The following CDT1 variants were observed in gnomAD, a reference collection of about 807,000 sequenced individuals.
CDT1 encodes the protein DNA replication factor Cdt1.
CDT1 carries 66 observed loss-of-function variants against 49.3 expected under a neutral mutation model. That is an observed-to-expected ratio of 1.34 (90% confidence interval 1.10 to 1.64). The LOEUF is 1.64. CDT1 is among the 40% of genes most tolerant of loss of function. The probability of loss-of-function intolerance (pLI) is 0.00; values close to 1 mark genes in which losing one functional copy is unlikely to be tolerated. For missense variants in CDT1, 958 were observed against 807.7 expected (o/e 1.19, Z -2.26); for synonymous variants, 424 against 347.4 (o/e 1.22, Z -2.45).
intron 3 of CDT1, 146 bp downstream of exon 3, chr16:88,805,044 G>C: frequency 1.7e-6 from 2 of 1,144,862 alleles, no homozygotes; most frequent in Middle Eastern, 2.9e-4. Flanking sequence ...AGACCCCTGA[G>C]AAAAAGGTCC....
Position 88,807,979 on chromosome 16 carries a change from T to A in CDT1, c.1478-136T>A, listed in dbSNP as rs59945100. The A allele has an allele frequency of 4.9e-3, 4,552 of 936,634 alleles. 121 individuals are homozygous for A. The African/African-American group carries it at 0.067, about 14-fold the overall frequency. The allele number at this position is 936,634 out of a possible 1,614,324, so 58.0% of individuals were successfully genotyped here. A position where few individuals can be genotyped will look rare whatever the true frequency, so the allele number is the denominator to read the frequency against. On this transcript the variant is annotated intron_variant, in intron 9 of 9. Transcript: ENST00000301019. ...CTGGGCCTCTGATCAGAACCACCTC[T>A]GCCCTAAGTCCTGGTGATGGGGCCC...
At chr16:88,804,980 C>T in intron 3 of CDT1, 82 bp downstream of exon 3, 1 of 1,504,778 alleles carries the variant, frequency 6.6e-7, no homozygotes, top group Non-Finnish European at 8.9e-7. Flanking sequence ...TGTCAGAGGC[C>T]CAGGTCTGCT....
rs1908740542 is a variant in CDT1, at chr16:88,803,810, T to A, written c.-22T>A. On this transcript the variant is annotated 5_prime_UTR_variant, in exon 1 of 10. Coordinates refer to ENST00000301019, the MANE Select transcript of CDT1 (RefSeq NM_030928.4). Reference sequence around the variant, plus strand: ...CTTCCTCCCTTCCTTCTTTCCTTGCTTTCGCCGCGCACTCCGCCGCCATGG... The same window carrying A: ...CTTCCTCCCTTCCTTCTTTCCTTGCATTCGCCGCGCACTCCGCCGCCATGG... The A allele has an allele frequency of 6.6e-7, 1 of 1,506,170 alleles. No individual in the cohort carries two copies. The highest frequency in any genetic ancestry group is 8.9e-7 in the Non-Finnish European group (1 of 1,125,496). The allele number at this position is 1,506,170 out of a possible 1,614,324, so 93.3% of individuals were successfully genotyped here.
At chr16:88,804,144 G>A (rs1908755785) in intron 1 of CDT1, 85 bp downstream of exon 1, 2 of 907,256 alleles carry the variant, frequency 2.2e-6, no homozygotes, top group South Asian at 2.6e-5. Context: ...AAACTGAGGC[G>A]GAGGGACGGG....
At position 88,804,610 on chromosome 16, in the gene CDT1, A is replaced by G; in HGVS notation, c.294A>G (p.Ile98Met). The change falls in exon 2 of 10, where the codon ATA becomes ATG. Residue 98 changes from isoleucine to methionine, a missense_variant. By Grantham distance (10) the Ile-to-Met change is conservative (BLOSUM62 1). Coordinates refer to ENST00000301019, the MANE Select transcript of CDT1 (RefSeq NM_030928.4). The part of the protein sequence containing the change: ...IPACPSPGQK[I>M]KKSTPAAGQP... ...CCTGCCCTTCTCCGGGCCAGAAGATAAAGAAATCCACCCCGGCAGCAGGTC... is the reference window on the plus strand; with the variant it reads ...CCTGCCCTTCTCCGGGCCAGAAGATGAAGAAATCCACCCCGGCAGCAGGTC... 6.2e-7 allele frequency: 1 copy of G among 1,612,904 alleles called. No individual in the cohort carries two copies. Among genetic ancestry groups the G allele is most frequent in the Non-Finnish European group, 8.5e-7 (1 of 1,179,868 alleles).
In CDT1 at chr16:88,808,117, G is replaced by A. The variant is rs1274359783; in HGVS notation, c.1480G>A (p.Glu494Lys). 6.2e-7 allele frequency: 1 copy of A among 1,612,380 alleles called. No individual in the cohort carries two copies. The highest frequency in any genetic ancestry group is 8.5e-7 in the Non-Finnish European group (1 of 1,179,790). The change falls in exon 10 of 10, where the codon GAA becomes AAA. Residue 494 changes from glutamate (E) to lysine (K), a missense_variant and splice_region_variant. By Grantham distance (56) the Glu-to-Lys change is moderately conservative. Transcript: ENST00000301019. ...GSCCTIMSPG[E>K]MEKHLLLLSE... ...AGTGTCCTCCTCTCCTCCCCCAGGGGAAATGGAGAAGCACCTGCTGCTCCT... is the reference window on the plus strand; with the variant it reads ...AGTGTCCTCCTCTCCTCCCCCAGGGAAAATGGAGAAGCACCTGCTGCTCCT...
chr16:88,806,205 C>T, intron 6 of CDT1, 84 bp downstream of exon 6: 2 of 1,243,526 alleles, frequency 1.6e-6, no homozygotes, highest in Non-Finnish European at 2.3e-6. Context: ...AGCATCCCTG[C>T]CACTCACAGC....
chr16:88,805,002 G>T, intron 3 of CDT1, 104 bp downstream of exon 3: 2 of 1,448,740 alleles, frequency 1.4e-6, no homozygotes, highest in Non-Finnish European at 1.8e-6. Context: ...CTTCCAGGGA[G>T]GGTGGTGGTG....
chr16:88,806,001 G>T lies in CDT1; in HGVS notation c.833-20G>T. 1 of 1,582,218 alleles carries T rather than the reference G, an allele frequency of 6.3e-7. No homozygotes were observed. Among genetic ancestry groups the T allele is most frequent in the East Asian group, 2.3e-5 (1 of 43,480 alleles). On this transcript the variant is annotated intron_variant, in intron 5 of 9. Transcript: ENST00000301019. ...GGCTGGGTGGCCTGGTGGGGACTTA[G>T]GCCTGGACTCGTCCCACAGAGGCTG...
rs762472427 is a variant in CDT1 at position 88,804,558 on chromosome 16, G to A, written c.242G>A (p.Ser81Asn). The A allele has an allele frequency of 1.9e-6, 3 of 1,612,542 alleles. No individual in the cohort carries two copies. The highest frequency in any genetic ancestry group is 2.5e-6 in the Non-Finnish European group (3 of 1,179,634). The change falls in exon 2 of 10, where the codon AGT becomes AAT. Residue 81 changes from serine (S) to asparagine (N), a missense_variant. Physicochemically the swap from Ser to Asn is conservative, Grantham distance 46. Transcript: ENST00000301019. ...RLSVDEVSSP[S>N]TPEAPDIPAC... ...CCCTCCCACCAGGTTTCCAGCCCCA[G>A]TACCCCCGAGGCCCCAGACATCCCA...
In CDT1 at chr16:88,808,362, C is replaced by G; in HGVS notation, c.*84C>G. 2.7e-6 allele frequency: 4 copies of G among 1,459,120 alleles called. No homozygotes were observed. Among genetic ancestry groups the G allele is most frequent in the Non-Finnish European group, 3.7e-6 (4 of 1,084,822 alleles). 90.4% of individuals were successfully genotyped at this position (1,459,120 alleles called of 1,614,324 possible). A position where few individuals can be genotyped will look rare whatever the true frequency, so the allele number is the denominator to read the frequency against. ...AGCATTTTCTTTTATGAACATGATA[C>G]ACTTTGGCCTTCCTTTCCCCAGCGC... On this transcript the variant is annotated 3_prime_UTR_variant, in exon 10 of 10. Coordinates refer to ENST00000301019, the MANE Select transcript of CDT1 (RefSeq NM_030928.4).
Position 88,806,318 on chromosome 16 carries a change from C to T in CDT1, c.934-168C>T, listed in dbSNP as rs184856282. On this transcript the variant is annotated intron_variant, in intron 6 of 9. Transcript: ENST00000301019. ...GGAGGTCCCCAAGGCGTTCAGCGAG[C>T]GCGGACCATGGGAGGCCTTGTGCTC... 235 of 1,004,830 alleles carry T rather than the reference C, an allele frequency of 2.3e-4. 1 individual carries two copies. Among genetic ancestry groups the T allele is most frequent in the South Asian group, 1.6e-3 (116 of 70,452 alleles). 62.2% of individuals were successfully genotyped at this position (1,004,830 alleles called of 1,614,324 possible).
chr16:88,806,565 A>G lies in CDT1; in HGVS notation c.1013A>G (p.Asp338Gly). The G allele has an allele frequency of 6.2e-7, 1 of 1,609,664 alleles. No individual in the cohort carries two copies. The highest frequency in any genetic ancestry group is 8.5e-7 in the Non-Finnish European group (1 of 1,178,664). The change falls in exon 7 of 10, where the codon GAT becomes GGT. Residue 338 changes from aspartate (D) to glycine (G), a missense_variant. Transcript: ENST00000301019. The part of the protein sequence containing the change: ...LTRWHPRFNV[D>G]EVPDIEPAAL... ...CGCTGGCACCCGCGCTTCAACGTGG[A>G]TGAAGTACCCGACATCGAGCCGGCC...
chr16:88,808,128 G>T lies in CDT1; in HGVS notation c.1491G>T (p.Lys497Asn). The change falls in exon 10 of 10, where the codon AAG (lysine) becomes AAT (asparagine). Residue 497 changes from lysine (K) to asparagine (N), a missense_variant. Physicochemically the swap from Lys to Asn is moderately conservative, Grantham distance 94. Coordinates refer to ENST00000301019, the MANE Select transcript of CDT1 (RefSeq NM_030928.4). The part of the protein sequence containing the change: ...CTIMSPGEME[K>N]HLLLLSELLP... ...CTCCTCCCCCAGGGGAAATGGAGAA[G>T]CACCTGCTGCTCCTCTCCGAGCTGC... 1 of 1,612,656 alleles carries T rather than the reference G, an allele frequency of 6.2e-7. No homozygotes were observed. The highest frequency in any genetic ancestry group is 8.5e-7 in the Non-Finnish European group (1 of 1,179,894).
rs753647395 is a variant in CDT1 at position 88,807,264 on chromosome 16, C to G, written c.1276-17C>G. The G allele has an allele frequency of 6.2e-7, 1 of 1,611,774 alleles. No homozygotes were observed. Among genetic ancestry groups the G allele is most frequent in the Non-Finnish European group, 8.5e-7 (1 of 1,179,788 alleles). ...GTGACCTGCTGCCCACTAACCAGGT[C>G]CCGGTACCTGCTGCAGATCCGAGCC... On this transcript the variant is annotated splice_polypyrimidine_tract_variant and intron_variant, in intron 8 of 9. Transcript: ENST00000301019.
At position 88,808,144 on chromosome 16, in the gene CDT1, T is replaced by C. The variant is rs147828044; in HGVS notation, c.1507T>C (p.Ser503Pro). ...AATGGAGAAGCACCTGCTGCTCCTC[T>C]CCGAGCTGCTGCCGGACTGGCTCAG... ...GEMEKHLLLL[S>P]ELLPDWLSLH... The change falls in exon 10 of 10, where the codon TCC becomes CCC. Residue 503 changes from serine (S) to proline (P), a missense_variant. Coordinates refer to ENST00000301019, the MANE Select transcript of CDT1 (RefSeq NM_030928.4). The C allele has an allele frequency of 1.9e-6, 3 of 1,612,652 alleles. No individual in the cohort carries two copies. The highest frequency in any genetic ancestry group is 2.5e-6 in the Non-Finnish European group (3 of 1,179,944).
chr16:88,805,671 G>C (rs1908825240), intron 4 of CDT1, 34 bp downstream of exon 4: 3 of 1,612,560 alleles, frequency 1.9e-6, no homozygotes, highest in Non-Finnish European at 2.5e-6. Context: ...GGCTGTCCTG[G>C]AGTTGGGGGT....
At position 88,807,091 on chromosome 16, in the gene CDT1, C is replaced by T. The variant is rs773673217; in HGVS notation, c.1163C>T (p.Ala388Val). 3.3e-5 allele frequency: 54 copies of T among 1,612,734 alleles called. No individual in the cohort carries two copies. The highest frequency in any genetic ancestry group is 2.2e-4 in the Admixed American group (13 of 60,000). The change falls in exon 8 of 10, where the codon GCG becomes GTG. Residue 388 changes from alanine to valine, a missense_variant. By Grantham distance (64) the Ala-to-Val change is moderately conservative. Transcript: ENST00000301019. ...AGTCAATTGGCCCTGCGCTCTGCTG[C>T]GCCCAGCAGCCCCGGGTCTCCCAGG... ...ALSQLALRSA[A>V]PSSPGSPRPA...
chr16:88,804,714 G>GGACT, intron 2 of CDT1, 47 bp downstream of exon 2: 1 of 1,612,180 alleles, frequency 6.2e-7, no homozygotes, highest in Non-Finnish European at 8.5e-7. Flanking sequence ...GAGTGGTGCC[G>GGACT]GCCTGCCTGC....
Sources: allele counts gnomAD v4.1 joint callset, GRCh38; gene constraint gnomAD v4.1.1; transcripts MANE v1.5; gene names NCBI Gene and HGNC (gene_info 2026-07-23, HGNC 2026-07-21).